The following PTBP1 variants were observed in gnomAD, a reference collection of about 807,000 sequenced individuals.
The protein encoded by PTBP1 is polypyrimidine tract-binding protein 1.
In PTBP1, 8 loss-of-function variants were observed where a neutral mutation model predicts 59.8. The observed-to-expected ratio is 0.13, with a 90% CI of 0.08 to 0.24. The LOEUF is 0.24. PTBP1 is among the 10% of genes least tolerant of loss of function. The probability of loss-of-function intolerance (pLI) is 1.00; values close to 1 mark genes in which losing one functional copy is unlikely to be tolerated. For synonymous variants in PTBP1, 490 were observed against 320.7 expected (o/e 1.53, Z -5.64); for missense variants, 686 against 767.0 (o/e 0.89, Z 1.25).
chr19:797,688 C>G (rs1225274768), intron 1 of PTBP1, among the ~76,000 whole-genome samples, 183 bp downstream of exon 1: 3 of 149,260 alleles, frequency 2.0e-5, no homozygotes, highest in East Asian at 3.9e-4. Context: ...TCCCGGGGGT[C>G]TGGCCGCGTC....
Position 803,544 on chromosome 19 carries a change from T to C in PTBP1, c.40-17T>C, listed in dbSNP as rs773468817. 4.3e-6 allele frequency: 7 copies of C among 1,610,896 alleles called. No individual in the cohort carries two copies. In the South Asian group the frequency reaches 7.7e-5, roughly 18 times the overall value. On this transcript the variant is annotated splice_polypyrimidine_tract_variant and intron_variant, in intron 2 of 14. Coordinates refer to ENST00000356948, the MANE Select transcript of PTBP1 (RefSeq NM_002819.5). ...CCTGGTGGGAAGTGCAGCTCCGCGT[T>C]GTCCCTTCTCTTGCAGCGGGGATCT...
At chr19:799,363 C>G in intron 1 of PTBP1, 50 bp from the exon 2 acceptor site, 9 of 1,583,054 alleles carry the variant, frequency 5.7e-6, no homozygotes, top group Non-Finnish European at 7.8e-6. Context: ...GGTGCTCCTG[C>G]TGCTGAGTGG....
In PTBP1 at chr19:808,972, G is replaced by C. The variant is rs2034717280; in HGVS notation, c.1463+210G>C. Among the ~76,000 whole-genome samples, 1 of 152,140 alleles carries C rather than the reference G, an allele frequency of 6.6e-6. No homozygotes were observed. Among genetic ancestry groups the C allele is most frequent in the Non-Finnish European group, 1.5e-5 (1 of 68,028 alleles). ...TGGACACTTTGGAGGTTTTGGCTCA[G>C]GGGATGCTCCCTGTGAGAATGTATA... On this transcript the variant is annotated intron_variant, in intron 13 of 14. Transcript: ENST00000356948. The surrounding 1 kb of genome is among the most constrained non-coding windows in gnomAD (Gnocchi z 4.7).
At chr19:799,247 C>T in intron 1 of PTBP1, 166 bp from the exon 2 acceptor site, 1 of 761,872 alleles carries the variant, frequency 1.3e-6, no homozygotes, top group Non-Finnish European at 2.4e-6. Flanking sequence ...GGCTCACTTC[C>T]CTGCCCTTCT....
rs1157504890 is a variant in PTBP1, at chr19:799,404, T to C, written c.9-9T>C. 6.2e-7 allele frequency: 1 copy of C among 1,613,818 alleles called. No individual in the cohort carries two copies. Among genetic ancestry groups the C allele is most frequent in the South Asian group, 1.1e-5 (1 of 91,088 alleles). ...AGGCTAACGTTGTCTCCTTTCTTTC[T>C]CTCTACAGCATTGTCCCAGATATAG... On this transcript the variant is annotated splice_polypyrimidine_tract_variant and intron_variant, in intron 1 of 14. Transcript: ENST00000356948.
intron 9 of PTBP1, 113 bp from the exon 10 acceptor site, chr19:806,295 C>T (rs1253868527): frequency 8.8e-6 from 11 of 1,247,550 alleles, no homozygotes; most frequent in Middle Eastern, 2.8e-4. Flanking sequence ...AGAGCCAGGG[C>T]CGCCTCCCGC....
At chr19:797,912 T>C (rs994204328) in intron 1 of PTBP1, among the ~76,000 whole-genome samples, 3 of 148,008 alleles carry the variant, frequency 2.0e-5, no homozygotes, top group African/African-American at 7.4e-5. Flanking sequence ...GCGTAGCCCG[T>C]CGCGCGTCCC....
At chr19:806,833 C>G (rs1280117484) in intron 10 of PTBP1, 1 of 341,228 alleles carries the variant, frequency 2.9e-6, no homozygotes, top group Admixed American at 4.9e-5. Context: ...TTACTTGGAG[C>G]TGAGCAGGGC....
chr19:799,996 G>T (rs2034260504), intron 2 of PTBP1, among the ~76,000 whole-genome samples: 1 of 151,832 alleles, frequency 6.6e-6, no homozygotes, highest in African/African-American at 2.4e-5. Flanking sequence ...GTGTGATCTT[G>T]GCTCACTGCA....
At chr19:810,521 T>C (rs1568277029) in intron 13 of PTBP1, 22 bp from the exon 14 acceptor site, 1 of 1,610,916 alleles carries the variant, frequency 6.2e-7, no homozygotes, top group Non-Finnish European at 8.5e-7. Flanking sequence ...GGCCCCAGGC[T>C]CACGCCTTTC....
intron 9 of PTBP1, 180 bp from the exon 10 acceptor site, chr19:806,228 A>G (rs887950974): frequency 6.9e-6 from 4 of 581,904 alleles, no homozygotes; most frequent in African/African-American, 2.0e-5. Flanking sequence ...CTGGTGCAGG[A>G]GCCGGCGGGT....
intron 9 of PTBP1, 134 bp from the exon 10 acceptor site, chr19:806,274 A>G: frequency 9.6e-7 from 1 of 1,044,228 alleles, no homozygotes; most frequent in Non-Finnish European, 1.3e-6. Context: ...ACAGGCACCC[A>G]GGGTAGGGCC....
rs751405872 is a variant in PTBP1 at position 803,642 on chromosome 19, G to T, written c.115+6G>T. On this transcript the variant is annotated splice_donor_region_variant and intron_variant, in intron 3 of 14. Coordinates refer to ENST00000356948, the MANE Select transcript of PTBP1 (RefSeq NM_002819.5). ...CAGCAACTCGGCTTCTGCAGGTAAG[G>T]CCGGGACTCGGCCCAGGGCAAGACC... 5.0e-6 allele frequency: 8 copies of T among 1,613,664 alleles called. No homozygotes were observed. Among genetic ancestry groups the T allele is most frequent in the Non-Finnish European group, 5.9e-6 (7 of 1,179,562 alleles).
rs1228616380 is a variant in PTBP1, at chr19:812,003, G to GT, written c.*1178dup. The GT allele has an allele frequency of 6.6e-6, 1 of 152,398 alleles. No homozygotes were observed. Among genetic ancestry groups the GT allele is most frequent in the Non-Finnish European group, 1.5e-5 (1 of 68,038 alleles). 9.4% of individuals were successfully genotyped at this position (152,398 alleles called of 1,614,324 possible). On this transcript the variant is annotated 3_prime_UTR_variant, in exon 15 of 15. Transcript: ENST00000356948. ...TAGGATCCCCTTTCCGTAAAAGCGT[G>GT]TAACAAGGGTGTAAATATTTATAAT...
chr19:806,459 C>A lies in PTBP1; in HGVS notation c.1022C>A (p.Ser341Ter). The A allele has an allele frequency of 6.3e-7, 1 of 1,595,126 alleles. No homozygotes were observed. The highest frequency in any genetic ancestry group is 8.5e-7 in the Non-Finnish European group (1 of 1,171,620). ...GCCCTGGCCCCCCTGGCCATCCCCTCGGCGGCGGCGGCAGCTGCGGCGGCA... is the reference window on the plus strand; with the variant it reads ...GCCCTGGCCCCCCTGGCCATCCCCTAGGCGGCGGCGGCAGCTGCGGCGGCA... ...HGALAPLAIPSAAAAAAAAGR... is the reference protein window; with the variant it reads ...HGALAPLAIP The change falls in exon 10 of 15, where the codon TCG becomes TAG. Residue 341 changes from serine (S) to a stop codon, truncating the protein, a stop_gained. Transcript: ENST00000356948. LOFTEE classifies it high-confidence loss of function.
At chr19:799,028 C>T (rs1277714634) in intron 1 of PTBP1, among the ~76,000 whole-genome samples, 1 of 152,262 alleles carries the variant, frequency 6.6e-6, no homozygotes, top group Non-Finnish European at 1.5e-5. Context: ...CAGTTTCAGC[C>T]TCTCCGAGGC....
In PTBP1 at chr19:808,709, G is replaced by A. The variant is rs1162685744; in HGVS notation, c.1410G>A (p.Lys470=). The A allele has an allele frequency of 1.2e-6, 2 of 1,613,290 alleles. No individual in the cohort carries two copies. Among genetic ancestry groups the A allele is most frequent in the Non-Finnish European group, 1.7e-6 (2 of 1,179,940 alleles). The change falls in exon 13 of 15, where the codon AAG becomes AAA. Residue 470 remains lysine, a synonymous_variant. Coordinates refer to ENST00000356948, the MANE Select transcript of PTBP1 (RefSeq NM_002819.5). The surrounding 1 kb of genome is among the most constrained non-coding windows in gnomAD (Gnocchi z 4.7). ...ACCGCTTCAAGAAGCCGGGCTCCAA[G>A]AACTTCCAGAACATATTCCCGCCCT... ...PLHRFKKPGS[K]NFQNIFPPSA...
chr19:806,029 GT>G (rs1363704758), intron 9 of PTBP1: 1 of 233,742 alleles, frequency 4.3e-6, no homozygotes, highest in Non-Finnish European at 8.2e-6. Context: ...GGAGCAGCGC[GT>G]GCCGCCCGGC....
chr19:809,848 C>G (rs556821708), intron 13 of PTBP1, among the ~76,000 whole-genome samples: 10 of 152,274 alleles, frequency 6.6e-5, no homozygotes, highest in African/African-American at 2.4e-4. Flanking sequence ...TTGCAGTGAG[C>G]TGTGATTGCA....
Sources: gnomAD v4.1 joint callset for allele counts (sites outside exome capture counted in the v4.1 genomes callset) on GRCh38, gnomAD v4.1.1 for gene constraint, Gnocchi (gnomAD v3.1) non-coding constraint, MANE v1.5 for transcripts, NCBI Gene and HGNC (gene_info 2026-07-23, HGNC 2026-07-21) for gene names.